The following ROBO2 variants were observed in gnomAD, a reference collection of about 807,000 sequenced individuals.
ROBO2 encodes the protein roundabout guidance receptor 2.
In ROBO2, 53 loss-of-function variants were observed where a neutral mutation model predicts 160.8. The observed-to-expected ratio is 0.33, with a 90% CI of 0.26 to 0.41. ROBO2 has a LOEUF of 0.41. Among genes scored for constraint, ROBO2 ranks in the 10% least tolerant of loss-of-function variants. ROBO2 has a pLI of 1.00. For synonymous variants in ROBO2, 664 were observed against 611.7 expected (o/e 1.09, Z -1.26); for missense variants, 1,577 against 1,722.4 (o/e 0.92, Z 1.49).
intron 2 of ROBO2, among the ~76,000 whole-genome samples, chr3:76,855,040 A>G (rs754970299): frequency 1.3e-5 from 2 of 152,186 alleles, no homozygotes; most frequent in Non-Finnish European, 2.9e-5. Context: ...TAGCATTCCA[A>G]CCCTGGTAGT....
At chr3:77,330,763 C>A (rs574174273) in intron 2 of ROBO2, among the ~76,000 whole-genome samples, 2 of 152,106 alleles carry the variant, frequency 1.3e-5, no homozygotes, top group Non-Finnish European at 2.9e-5. Flanking sequence ...TTGATCTGAC[C>A]ACATTATATG....
chr3:76,427,267 A>T (rs1006703524), intron 2 of ROBO2, among the ~76,000 whole-genome samples: 2 of 152,080 alleles, frequency 1.3e-5, no homozygotes, highest in Non-Finnish European at 2.9e-5. Flanking sequence ...ATGCCTAAAA[A>T]AAAAAACCAC....
intron 2 of ROBO2, among the ~76,000 whole-genome samples, chr3:76,635,601 T>G (rs1205012913): frequency 2.0e-5 from 3 of 152,212 alleles, no homozygotes; most frequent in African/African-American, 7.2e-5. Flanking sequence ...ACTCTTTCAT[T>G]ACCTTTGAAC....
At chr3:77,233,971 C>G (rs1292116575) in intron 2 of ROBO2, among the ~76,000 whole-genome samples, 1 of 151,982 alleles carries the variant, frequency 6.6e-6, no homozygotes, top group African/African-American at 2.4e-5. Context: ...AAATAAAAAC[C>G]TTGGGATTTA....
At chr3:76,973,457 T>C (rs2059667848) in intron 2 of ROBO2, among the ~76,000 whole-genome samples, 2 of 151,998 alleles carry the variant, frequency 1.3e-5, no homozygotes, top group African/African-American at 4.8e-5. Flanking sequence ...TTAATAAGAA[T>C]ATCATAGAAA....
At chr3:76,407,190 A>G (rs769813717) in intron 2 of ROBO2, among the ~76,000 whole-genome samples, 1 of 151,800 alleles carries the variant, frequency 6.6e-6, no homozygotes, top group Non-Finnish European at 1.5e-5. Context: ...CTTGATATTC[A>G]GGTCTCATTT....
chr3:76,910,091 A>G (rs1214902841), intron 2 of ROBO2, among the ~76,000 whole-genome samples: 16 of 152,204 alleles, frequency 1.1e-4, no homozygotes, highest in Non-Finnish European at 2.2e-4. Flanking sequence ...TACTGGTAAA[A>G]TATAGGTAAG....
chr3:77,050,363 A>G (rs960827841), intron 1 of ROBO2, among the ~76,000 whole-genome samples: 20 of 150,338 alleles, frequency 1.3e-4, no homozygotes, highest in Non-Finnish European at 2.5e-4. Flanking sequence ...TGCCAGCAAC[A>G]ACAAGCTATT....
intron 2 of ROBO2, among the ~76,000 whole-genome samples, chr3:77,467,303 T>G (rs951394017): frequency 6.6e-6 from 1 of 152,166 alleles, no homozygotes; most frequent in African/African-American, 2.4e-5. Context: ...AATAATTTAA[T>G]TTTTGTTTTC....
intron 2 of ROBO2, among the ~76,000 whole-genome samples, chr3:76,185,201 T>TATATATATATATATATAG (rs1701691698): frequency 1.1e-5 from 1 of 88,110 alleles, no homozygotes; most frequent in Non-Finnish European, 2.7e-5. Context: ...CACAGATATA[T>TATATATATATATATATAG]ATATATATAT....
At position 75,956,034 on chromosome 3, in the gene ROBO2, T is replaced by A. The variant is rs1461196505; in HGVS notation, c.109+18432T>A. Among the ~76,000 whole-genome samples, 13 of 151,814 alleles carry A rather than the reference T, an allele frequency of 8.6e-5. 1 individual carries two copies. In the South Asian group the frequency reaches 1.9e-3, roughly 22 times the overall value. ...TATTTGTCAATAGAATTCATCATACTTTATCTCACATATTCAGTGCTTTAC... is the reference window on the plus strand; with the variant it reads ...TATTTGTCAATAGAATTCATCATACATTATCTCACATATTCAGTGCTTTAC... On this transcript the variant is annotated intron_variant, in intron 2 of 26. Coordinates refer to the ROBO2 transcript ENST00000487694.
chr3:76,812,441 T>C (rs2065273190), intron 2 of ROBO2, among the ~76,000 whole-genome samples: 1 of 151,546 alleles, frequency 6.6e-6, no homozygotes, highest in Admixed American at 6.6e-5. Flanking sequence ...CAGAGAGATT[T>C]GTAAATCTGG....
intron 2 of ROBO2, among the ~76,000 whole-genome samples, chr3:76,914,593 C>T (rs144020174): frequency 6.6e-6 from 1 of 151,920 alleles, no homozygotes; most frequent in Admixed American, 6.6e-5. Flanking sequence ...TTCTCAGTAG[C>T]TTATAAGCTT....
intron 2 of ROBO2, among the ~76,000 whole-genome samples, chr3:76,395,278 T>C (rs1486702016): frequency 6.7e-6 from 1 of 149,056 alleles, no homozygotes; most frequent in Non-Finnish European, 1.5e-5. Context: ...TTGAAACCAA[T>C]GAGAACAAAG....
intron 2 of ROBO2, among the ~76,000 whole-genome samples, chr3:76,737,634 T>C (rs1481153816): frequency 6.6e-6 from 1 of 152,148 alleles, no homozygotes; most frequent in Non-Finnish European, 1.5e-5. Context: ...TATACTTCAA[T>C]AAATCTTTGT....
chr3:76,194,210 T>C (rs1702137612), intron 2 of ROBO2, among the ~76,000 whole-genome samples: 1 of 151,466 alleles, frequency 6.6e-6, no homozygotes, highest in African/African-American at 2.4e-5. Flanking sequence ...CATTTTATTT[T>C]CTATTGTTAT....
chr3:75,956,568 A>C (rs1214346326), intron 2 of ROBO2, among the ~76,000 whole-genome samples: 1 of 151,760 alleles, frequency 6.6e-6, no homozygotes, highest in Non-Finnish European at 1.5e-5. Context: ...GGTCCTTGGA[A>C]TATAGTGACC....
intron 2 of ROBO2, among the ~76,000 whole-genome samples, chr3:76,660,457 A>G (rs2091768572): frequency 6.6e-6 from 1 of 152,152 alleles, no homozygotes; most frequent in African/African-American, 2.4e-5. Flanking sequence ...TGATCCTTAC[A>G]TATATGAAAG....
rs184413932 is a variant in ROBO2, at chr3:77,294,798, C to G, written c.389-182616C>G. On this transcript the variant is annotated intron_variant, in intron 2 of 25. Transcript: ENST00000461745. Reference sequence around the variant, plus strand: ...TAAAATTGACGGTTAAACGGGTAAGCTGAGGCTAGATCACCCCAGACATAA... The same window carrying G: ...TAAAATTGACGGTTAAACGGGTAAGGTGAGGCTAGATCACCCCAGACATAA... 1.8e-3 allele frequency among the ~76,000 whole-genome samples: 267 copies of G among 150,488 alleles called. 3 individuals carry two copies. The highest frequency in any genetic ancestry group is 6.3e-3 in the African/African-American group (255 of 40,424).
Sources: allele counts gnomAD v4.1 joint callset (sites outside exome capture counted in the v4.1 genomes callset), GRCh38; gene constraint gnomAD v4.1.1; transcripts MANE v1.5; gene names NCBI Gene and HGNC (gene_info 2026-07-23, HGNC 2026-07-21).